FRMD5: variants seen among roughly 807,000 people sequenced by gnomAD.
FRMD5 encodes FERM domain containing 5, also known as FERM domain-containing protein 5.
Under a neutral mutation model 69.0 loss-of-function variants are expected in FRMD5, and 20 were observed. The ratio of observed to expected loss-of-function variants is 0.29; its 90% CI spans 0.20 to 0.42. The LOEUF is 0.42. FRMD5 is among the 10% of genes least tolerant of loss of function. FRMD5 has a pLI of 1.00. For synonymous variants in FRMD5, 271 were observed against 260.1 expected, an observed-to-expected ratio of 1.04 and a Z score of -0.40; for missense variants, 595 against 708.6, an observed-to-expected ratio of 0.84 and a Z score of 1.82.
At chr15:43,997,783 G>A (rs1237573131) in intron 1 of FRMD5, among the ~76,000 whole-genome samples, 1 of 152,074 alleles carries the variant, frequency 6.6e-6, no homozygotes, top group Non-Finnish European at 1.5e-5. Context: ...GATCATGCAC[G>A]CCACAAGAAA....
At chr15:43,988,218 C>A (rs1889491272) in intron 1 of FRMD5, among the ~76,000 whole-genome samples, 1 of 152,134 alleles carries the variant, frequency 6.6e-6, no homozygotes, top group African/African-American at 2.4e-5. Flanking sequence ...GGGTTGAGGA[C>A]CCCTGGACAG....
At chr15:44,139,244 C>T (rs948349418) in intron 1 of FRMD5, among the ~76,000 whole-genome samples, 7 of 151,226 alleles carry the variant, frequency 4.6e-5, no homozygotes, top group Non-Finnish European at 1.0e-4. Flanking sequence ...ATGTTAAAAA[C>T]TTAGAAATAA....
chr15:43,914,496 C>T (rs1277997912), intron 4 of FRMD5, among the ~76,000 whole-genome samples: 2 of 152,158 alleles, frequency 1.3e-5, no homozygotes, highest in Non-Finnish European at 2.9e-5. Context: ...ATCCATCCAT[C>T]ATCCATCCAT....
chr15:44,042,482 A>G (rs1892241942), intron 1 of FRMD5, among the ~76,000 whole-genome samples: 1 of 152,136 alleles, frequency 6.6e-6, no homozygotes, highest in Non-Finnish European at 1.5e-5. Context: ...CCAAAAAAGA[A>G]AATTTTAGGC....
At chr15:44,101,795 T>C (rs572056861) in intron 1 of FRMD5, among the ~76,000 whole-genome samples, 9 of 152,338 alleles carry the variant, frequency 5.9e-5, no homozygotes, top group African/African-American at 1.9e-4. Context: ...TTGTTTCCTC[T>C]GAGAATGATG....
At chr15:44,139,842 A>T (rs1223235394) in intron 1 of FRMD5, among the ~76,000 whole-genome samples, 1 of 151,902 alleles carries the variant, frequency 6.6e-6, no homozygotes, top group Non-Finnish European at 1.5e-5. Context: ...TCAAATGCAT[A>T]TGAAGCAATG....
At chr15:44,033,007 A>C (rs1164637025) in intron 1 of FRMD5, among the ~76,000 whole-genome samples, 2 of 152,216 alleles carry the variant, frequency 1.3e-5, no homozygotes, top group African/African-American at 4.8e-5. Context: ...GTACATATAC[A>C]CCATGGAATA....
intron 1 of FRMD5, among the ~76,000 whole-genome samples, chr15:44,004,831 C>A (rs141565818): frequency 5.9e-5 from 9 of 152,320 alleles, no homozygotes; most frequent in African/African-American, 2.2e-4. Flanking sequence ...AGGTTGAAAG[C>A]TGAGATAGAC....
In FRMD5 at chr15:43,944,951, A is replaced by ATCTTT. The variant is rs370705444; in HGVS notation, c.103-20643_103-20642insAAAGA. On this transcript the variant is annotated intron_variant, in intron 1 of 13. Coordinates refer to ENST00000417257, the MANE Select transcript of FRMD5 (RefSeq NM_032892.5). ...ACTGTGGGTTTCTATAAGTTTATTT[A>ATCTTT]TTTATTTTTTTTTTTTTTGATAGAG... 8.2e-5 allele frequency among the ~76,000 whole-genome samples: 11 copies of ATCTTT among 133,854 alleles called. 1 individual carries two copies. Among genetic ancestry groups the ATCTTT allele is most frequent in the African/African-American group, 2.8e-4 (8 of 28,734 alleles). 87.8% of individuals were successfully genotyped at this position (133,854 alleles called of 152,430 possible).
At chr15:44,156,151 A>AT (rs529428380) in intron 1 of FRMD5, among the ~76,000 whole-genome samples, 153 of 149,950 alleles carry the variant, frequency 1.0e-3, no homozygotes, top group Non-Finnish European at 1.7e-3. Flanking sequence ...ATGACATATA[A>AT]TTTTTTTTTT....
rs749584177 is a variant in FRMD5 at position 43,875,363 on chromosome 15, AATATATAT to A, written c.1136-909_1136-902del. Among the ~76,000 whole-genome samples the A allele has an allele frequency of 6.2e-3, 650 of 105,332 alleles. 13 individuals are homozygous for A. The highest frequency in any genetic ancestry group is 0.024 in the African/African-American group (593 of 24,780). The allele number at this position is 105,332 out of a possible 152,430, so 69.1% of individuals were successfully genotyped here. On this transcript the variant is annotated intron_variant, in intron 13 of 13. Transcript: ENST00000417257. ...AAGACTGTCTCAAAAAAAAAAAAAA[AATATATAT>A]ATATATATATATATATATATATGTA...
intron 1 of FRMD5, among the ~76,000 whole-genome samples, chr15:43,946,610 G>A (rs981870816): frequency 6.6e-6 from 1 of 152,188 alleles, no homozygotes; most frequent in Non-Finnish European, 1.5e-5. Flanking sequence ...TCTTAGGGGA[G>A]GGAAAGGAAG....
intron 1 of FRMD5, among the ~76,000 whole-genome samples, chr15:44,014,773 C>T (rs1301494845): frequency 6.6e-6 from 1 of 152,022 alleles, no homozygotes; most frequent in East Asian, 1.9e-4. Context: ...GAATACCTAC[C>T]TCAAGAGTTG....
intron 1 of FRMD5, among the ~76,000 whole-genome samples, chr15:44,091,330 TGATA>T (rs1479553308): frequency 6.6e-6 from 1 of 152,144 alleles, no homozygotes; most frequent in African/African-American, 2.4e-5. Context: ...ATATATAGCC[TGATA>T]TATATAGATA....
chr15:43,923,792 GCT>G (rs1409372166), intron 2 of FRMD5, among the ~76,000 whole-genome samples: 2 of 152,206 alleles, frequency 1.3e-5, no homozygotes, highest in Admixed American at 6.5e-5. Context: ...CGCTGGTTTG[GCT>G]CTGTCTGTAC....
intron 1 of FRMD5, among the ~76,000 whole-genome samples, chr15:43,927,751 AAAT>A (rs2089609581): frequency 6.6e-6 from 1 of 152,074 alleles, no homozygotes; most frequent in Non-Finnish European, 1.5e-5. Context: ...TTTAATGAAA[AAAT>A]GTTTTTCACA....
intron 1 of FRMD5, among the ~76,000 whole-genome samples, chr15:43,994,862 T>G (rs1278294136): frequency 6.6e-6 from 1 of 152,234 alleles, no homozygotes; most frequent in Non-Finnish European, 1.5e-5. Context: ...TGTTTTAATG[T>G]TTACTAATTA....
intron 1 of FRMD5, among the ~76,000 whole-genome samples, chr15:44,134,543 G>C (rs2077153621): frequency 1.3e-5 from 2 of 152,104 alleles, no homozygotes; most frequent in Admixed American, 6.5e-5. Flanking sequence ...CCGCCTCCCA[G>C]GCTCAAGAGA....
At chr15:44,184,355 A>C (rs1418471757) in intron 1 of FRMD5, among the ~76,000 whole-genome samples, 1 of 152,234 alleles carries the variant, frequency 6.6e-6, no homozygotes, top group Non-Finnish European at 1.5e-5. Context: ...GCTAAAGCCC[A>C]AGGTTTTCAG....
Sources: gnomAD v4.1 joint callset for allele counts (sites outside exome capture counted in the v4.1 genomes callset) on GRCh38, gnomAD v4.1.1 for gene constraint, MANE v1.5 for transcripts, NCBI Gene and HGNC (gene_info 2026-07-23, HGNC 2026-07-21) for gene names.